The following SEC14L1 variants were observed in gnomAD, a reference collection of about 807,000 sequenced individuals.
SEC14L1 encodes SEC14-like protein 1.
SEC14L1 carries 48 observed loss-of-function variants against 85.3 expected under a neutral mutation model. The ratio of observed to expected loss-of-function variants is 0.56; its 90% confidence interval spans 0.45 to 0.72. The LOEUF is 0.72. Ranked by LOEUF, SEC14L1 falls within the 30% of genes least tolerant of loss-of-function variation. The probability of loss-of-function intolerance (pLI) is 0.00; values close to 1 mark genes in which losing one functional copy is unlikely to be tolerated. For synonymous variants in SEC14L1, 391 were observed against 355.5 expected (o/e 1.10, Z -1.12); for missense variants, 682 against 921.4 (o/e 0.74, Z 3.36).
At chr17:77,113,048 A>T (rs1198945485) in intron 3 of SEC14L1, among the ~76,000 whole-genome samples, 1 of 152,048 alleles carries the variant, frequency 6.6e-6, no homozygotes, top group Non-Finnish European at 1.5e-5. Flanking sequence ...AGTCCTAGCT[A>T]CTTCGGAGGC....
At chr17:77,128,513 C>T (rs1972521552) in intron 3 of SEC14L1, among the ~76,000 whole-genome samples, 1 of 147,588 alleles carries the variant, frequency 6.8e-6, no homozygotes, top group African/African-American at 2.5e-5. Context: ...GTCTGGAGTG[C>T]AGTGGCACTG....
At chr17:77,126,834 G>T (rs954483350) in intron 3 of SEC14L1, among the ~76,000 whole-genome samples, 3 of 152,148 alleles carry the variant, frequency 2.0e-5, no homozygotes, top group Non-Finnish European at 4.4e-5. Flanking sequence ...GGGCACCCTC[G>T]GGGTCCAGGA....
intron 3 of SEC14L1, among the ~76,000 whole-genome samples, chr17:77,183,368 C>A (rs536035183): frequency 6.6e-6 from 1 of 152,358 alleles, no homozygotes; most frequent in African/African-American, 2.4e-5. Flanking sequence ...TGTGCACATA[C>A]ATTTTGTAGA....
intron 3 of SEC14L1, among the ~76,000 whole-genome samples, chr17:77,100,462 A>G (rs1598217573): frequency 1.0e-5 from 1 of 98,908 alleles, no homozygotes; most frequent in Non-Finnish European, 1.8e-5. Flanking sequence ...TTTGAGACAG[A>G]GTCTCACTCT....
At chr17:77,123,064 T>G (rs1363260181) in intron 3 of SEC14L1, among the ~76,000 whole-genome samples, 1 of 151,914 alleles carries the variant, frequency 6.6e-6, no homozygotes, top group Non-Finnish European at 1.5e-5. Flanking sequence ...TTGTTTTTTT[T>G]TTTTGAGATG....
intron 3 of SEC14L1, among the ~76,000 whole-genome samples, chr17:77,129,781 T>G (rs1380569249): frequency 6.6e-6 from 1 of 152,128 alleles, no homozygotes; most frequent in Non-Finnish European, 1.5e-5. Context: ...CAGTCGCGCC[T>G]TGTGATGTGG....
At chr17:77,134,788 C>G (rs930409906) in intron 3 of SEC14L1, among the ~76,000 whole-genome samples, 105 of 152,264 alleles carry the variant, frequency 6.9e-4, no homozygotes, top group African/African-American at 2.4e-3. Flanking sequence ...GAGACAGGGT[C>G]TCACTGTGTT....
intron 3 of SEC14L1, among the ~76,000 whole-genome samples, chr17:77,132,590 G>C (rs1297069519): frequency 6.6e-6 from 1 of 152,210 alleles, no homozygotes; most frequent in African/African-American, 2.4e-5. Flanking sequence ...ACTGACTGAA[G>C]TGAAGCACAA....
chr17:77,200,579 A>G lies in SEC14L1; in HGVS notation c.915A>G (p.Arg305=). 1 of 1,614,110 alleles carries G rather than the reference A, an allele frequency of 6.2e-7. No individual in the cohort carries two copies. Among genetic ancestry groups the G allele is most frequent in the Non-Finnish European group, 8.5e-7 (1 of 1,179,994 alleles). ...REIMCQSLTW[R]KQHQVDYILE... The stretch of plus-strand genomic sequence containing the variant: ...TCATGTGTCAGTCTTTGACGTGGAG[A>G]AAGCAGCATCAGGTAGACTACATTC... Residue 305 remains arginine (R), a synonymous_variant, in exon 9 of 17, where the codon AGA becomes AGG. Coordinates refer to ENST00000436233, the MANE Select transcript of SEC14L1 (RefSeq NM_001143998.2).
At chr17:77,201,932 C>T (rs914041110) in intron 9 of SEC14L1, among the ~76,000 whole-genome samples, 7 of 152,178 alleles carry the variant, frequency 4.6e-5, no homozygotes, top group African/African-American at 1.7e-4. Context: ...CCCTCTGCCC[C>T]ATGCTGGGAC....
At chr17:77,175,660 A>G (rs1974720785) in intron 3 of SEC14L1, among the ~76,000 whole-genome samples, 1 of 152,198 alleles carries the variant, frequency 6.6e-6, no homozygotes, top group South Asian at 2.1e-4. Flanking sequence ...AGGAATCTAT[A>G]AACTCATTCT....
intron 3 of SEC14L1, among the ~76,000 whole-genome samples, chr17:77,153,099 C>T (rs1396537606): frequency 6.6e-6 from 1 of 152,136 alleles, no homozygotes; most frequent in Non-Finnish European, 1.5e-5. Context: ...GGCAGAGTTT[C>T]ACTCGTCACC....
chr17:77,203,271 G>A (rs922532227), intron 9 of SEC14L1, among the ~76,000 whole-genome samples: 4 of 152,168 alleles, frequency 2.6e-5, no homozygotes, highest in African/African-American at 9.7e-5. Flanking sequence ...CACTTATGCA[G>A]CTCGAGCTGA....
upstream of SEC14L1, among the ~76,000 whole-genome samples, chr17:77,136,204 T>G (rs977818296): frequency 6.6e-6 from 1 of 150,738 alleles, no homozygotes; most frequent in Non-Finnish European, 1.5e-5. Flanking sequence ...TCTTTTGCTT[T>G]CTTTCTTTTT....
intron 3 of SEC14L1, among the ~76,000 whole-genome samples, chr17:77,148,982 A>G (rs1334637079): frequency 6.6e-6 from 1 of 152,230 alleles, no homozygotes; most frequent in Non-Finnish European, 1.5e-5. Context: ...CCGGACACAC[A>G]GTGCTGTTTC....
intron 3 of SEC14L1, among the ~76,000 whole-genome samples, chr17:77,147,550 C>T (rs915492685): frequency 6.6e-6 from 1 of 152,216 alleles, no homozygotes; most frequent in East Asian, 1.9e-4. Flanking sequence ...TCAACCCTCC[C>T]TTGGAGGGCG....
At chr17:77,123,903 G>C (rs116573327) in intron 3 of SEC14L1, among the ~76,000 whole-genome samples, 2,645 of 152,250 alleles carry the variant, frequency 0.017, 79 homozygotes, top group African/African-American at 0.061. Context: ...CTCTATGGCA[G>C]ATTATTTTAT....
intron 3 of SEC14L1, among the ~76,000 whole-genome samples, chr17:77,101,948 C>T (rs1971789016): frequency 6.6e-6 from 1 of 152,142 alleles, no homozygotes; most frequent in African/African-American, 2.4e-5. Flanking sequence ...AAGCTGGGTT[C>T]TCTGAGGTCT....
chr17:77,149,798 G>A (rs947268150), intron 3 of SEC14L1, among the ~76,000 whole-genome samples: 2 of 151,248 alleles, frequency 1.3e-5, no homozygotes, highest in African/African-American at 4.9e-5. Context: ...TGGTCTTTCA[G>A]TTAACCAGTG....
Sources: gnomAD v4.1 joint callset for allele counts (sites outside exome capture counted in the v4.1 genomes callset) on GRCh38, gnomAD v4.1.1 for gene constraint, MANE v1.5 for transcripts, NCBI Gene and HGNC (gene_info 2026-07-23, HGNC 2026-07-21) for gene names.